The following ESRRG variants were observed in gnomAD, a reference collection of about 807,000 sequenced individuals.
ESRRG encodes the protein estrogen related receptor gamma.
Under a neutral mutation model 44.0 loss-of-function variants are expected in ESRRG, and 13 were observed. The observed-to-expected ratio is 0.30, with a 90% CI of 0.19 to 0.47. ESRRG has a LOEUF of 0.47. Ranked by LOEUF, ESRRG falls within the 20% of genes least tolerant of loss-of-function variation. The probability of loss-of-function intolerance (pLI) is 1.00; values close to 1 mark genes in which losing one functional copy is unlikely to be tolerated. For missense variants in ESRRG, 395 were observed against 580.6 expected (o/e 0.68, Z 3.29); for synonymous variants, 215 against 214.6 (o/e 1.00, Z -0.02).
intron 2 of ESRRG, among the ~76,000 whole-genome samples, chr1:216,853,024 T>C (rs1427434309): frequency 2.6e-5 from 4 of 152,190 alleles, no homozygotes; most frequent in Non-Finnish European, 5.9e-5. Flanking sequence ...CTCAGCCTAT[T>C]AGAACCCCTG....
chr1:216,699,545 C>G (rs2080972251), intron 1 of ESRRG, among the ~76,000 whole-genome samples: 1 of 151,914 alleles, frequency 6.6e-6, no homozygotes, highest in Non-Finnish European at 1.5e-5. Context: ...AGAGGAAAAA[C>G]CTGGAAGAAT....
intron 1 of ESRRG, among the ~76,000 whole-genome samples, chr1:217,031,930 T>C (rs1177108059): frequency 6.6e-6 from 1 of 152,168 alleles, no homozygotes; most frequent in Non-Finnish European, 1.5e-5. Context: ...TCTTTATAAA[T>C]TACTCAGTCT....
intron 3 of ESRRG, among the ~76,000 whole-genome samples, chr1:216,649,526 T>G (rs1193412473): frequency 6.7e-6 from 1 of 149,576 alleles, no homozygotes; most frequent in African/African-American, 2.4e-5. Flanking sequence ...ACACACACAC[T>G]CTCATACATA....
chr1:216,739,078 T>C (rs565474958), intron 2 of ESRRG, among the ~76,000 whole-genome samples: 3 of 152,174 alleles, frequency 2.0e-5, no homozygotes, highest in Non-Finnish European at 2.9e-5. Flanking sequence ...CCCAGTAGAA[T>C]AGAGACCTCA....
chr1:216,634,278 A>C (rs1422835616), intron 3 of ESRRG, among the ~76,000 whole-genome samples: 2 of 152,344 alleles, frequency 1.3e-5, no homozygotes, highest in East Asian at 3.9e-4. Flanking sequence ...AGAATTGCCA[A>C]TGAGAATTAA....
intron 1 of ESRRG, among the ~76,000 whole-genome samples, chr1:217,007,630 C>T (rs1018495315): frequency 2.0e-5 from 3 of 152,134 alleles, no homozygotes; most frequent in African/African-American, 7.2e-5. Flanking sequence ...CTTCTCCTTC[C>T]TTTCTTATTC....
intron 2 of ESRRG, among the ~76,000 whole-genome samples, chr1:216,656,726 ATGATGCATT>A (rs2070700743): frequency 6.6e-6 from 1 of 152,198 alleles, no homozygotes; most frequent in Non-Finnish European, 1.5e-5. Context: ...CCACATGGTA[ATGATGCATT>A]TGGATTTATG....
At chr1:217,083,122 C>T (rs2091875405) in intron 1 of ESRRG, among the ~76,000 whole-genome samples, 1 of 152,152 alleles carries the variant, frequency 6.6e-6, no homozygotes, top group African/African-American at 2.4e-5. Context: ...ACTGATAATA[C>T]ACTATTTCAC....
chr1:216,556,523 T>C (rs2057615372), intron 5 of ESRRG, among the ~76,000 whole-genome samples: 1 of 152,228 alleles, frequency 6.6e-6, no homozygotes, highest in South Asian at 2.1e-4. Context: ...GTTCCAATTT[T>C]AATCTTTTCA....
At chr1:217,064,692 G>C (rs2089308563) in intron 1 of ESRRG, among the ~76,000 whole-genome samples, 1 of 152,172 alleles carries the variant, frequency 6.6e-6, no homozygotes, top group Non-Finnish European at 1.5e-5. Context: ...TCCTTACCAA[G>C]TGTATTACAA....
At chr1:216,818,279 C>T (rs1256402322) in intron 2 of ESRRG, among the ~76,000 whole-genome samples, 2 of 152,162 alleles carry the variant, frequency 1.3e-5, no homozygotes, top group East Asian at 3.8e-4. Flanking sequence ...TATAATATTG[C>T]ATTTAAATAC....
intron 1 of ESRRG, among the ~76,000 whole-genome samples, chr1:217,105,642 A>T (rs72743311): frequency 0.025 from 3,762 of 152,260 alleles, 54 homozygotes; most frequent in Non-Finnish European, 0.039. Flanking sequence ...CCCGATGCTG[A>T]TGCTGACTCC....
intron 2 of ESRRG, among the ~76,000 whole-genome samples, chr1:216,907,114 C>T (rs867063183): frequency 3.3e-5 from 5 of 152,170 alleles, no homozygotes; most frequent in South Asian, 2.1e-4. Flanking sequence ...TAATACTCTA[C>T]GTTGTAAACT....
In ESRRG at chr1:216,503,720, C is replaced by A. The variant is rs1278674958; in HGVS notation, c.*3219G>T. On this transcript the variant is annotated 3_prime_UTR_variant, in exon 7 of 7. Coordinates refer to ENST00000408911, the MANE Select transcript of ESRRG (RefSeq NM_001438.4). The stretch of plus-strand genomic sequence containing the variant: ...AATAGCAGTTTTAAATTTTTTATAT[C>A]TTTTATGTTATCATTTAAATGCAAA... 1.3e-5 allele frequency: 2 copies of A among 152,416 alleles called. No homozygotes were observed. Among genetic ancestry groups the A allele is most frequent in the Non-Finnish European group, 2.9e-5 (2 of 67,966 alleles). 9.4% of individuals were successfully genotyped at this position (152,416 alleles called of 1,614,324 possible).
At chr1:216,607,147 T>C (rs531473144) in intron 3 of ESRRG, among the ~76,000 whole-genome samples, 83 of 152,174 alleles carry the variant, frequency 5.5e-4, no homozygotes, top group Non-Finnish European at 9.8e-4. Flanking sequence ...AAAAGAAATC[T>C]TGTCTATTCC....
At chr1:216,536,845 G>A (rs561958024) in intron 5 of ESRRG, among the ~76,000 whole-genome samples, 1 of 152,008 alleles carries the variant, frequency 6.6e-6, no homozygotes, top group South Asian at 2.1e-4. Context: ...GGGGTGGGGT[G>A]GAATAAATAA....
intron 2 of ESRRG, among the ~76,000 whole-genome samples, chr1:216,785,034 A>G (rs2094075550): frequency 6.6e-6 from 1 of 152,062 alleles, no homozygotes; most frequent in Admixed American, 6.6e-5. Context: ...TTGCAGCCAA[A>G]GCCTAAACTA....
At chr1:216,918,845 TATA>T (rs2061494213) in intron 2 of ESRRG, among the ~76,000 whole-genome samples, 1 of 148,182 alleles carries the variant, frequency 6.7e-6, no homozygotes, top group Non-Finnish European at 1.5e-5. Flanking sequence ...TAGATATATA[TATA>T]ATAATATATA....
chr1:216,682,795 A>G (rs1350172546), intron 1 of ESRRG, among the ~76,000 whole-genome samples: 1 of 151,174 alleles, frequency 6.6e-6, no homozygotes, highest in Non-Finnish European at 1.5e-5. Context: ...CCGGAGGTAC[A>G]GGCTTCAGAG....
Sources: allele counts gnomAD v4.1 joint callset (sites outside exome capture counted in the v4.1 genomes callset), GRCh38; gene constraint gnomAD v4.1.1; transcripts MANE v1.5; gene names NCBI Gene and HGNC (gene_info 2026-07-23, HGNC 2026-07-21).